MYH15: variants seen among roughly 807,000 people sequenced by gnomAD.
MYH15 encodes myosin-15.
Under a neutral mutation model 240.5 loss-of-function variants are expected in MYH15, and 227 were observed. The observed-to-expected ratio is 0.94, with a 90% confidence interval of 0.85 to 1.05. MYH15 has a LOEUF of 1.05. Ranked by LOEUF, MYH15 falls within the 50% of genes least tolerant of loss-of-function variation. MYH15 has a pLI of 0.00. For synonymous variants in MYH15, 785 were observed against 796.7 expected, an observed-to-expected ratio of 0.99 and a Z score of 0.25; for missense variants, 2,217 against 2,247.5, an observed-to-expected ratio of 0.99 and a Z score of 0.27.
upstream of MYH15, among the ~76,000 whole-genome samples, chr3:108,512,502 T>C (rs2603137): frequency 1 from 151,822 of 152,236 alleles, 75,704 homozygotes; most frequent in Middle Eastern, 1. Context: ...CAGTAGAGCT[T>C]GGGAAGTATA....
chr3:108,439,718 C>A lies in MYH15; in HGVS notation c.3075+19G>T, dbSNP rs756191419. 5.9e-6 allele frequency: 9 copies of A among 1,536,610 alleles called. No homozygotes were observed. Among genetic ancestry groups the A allele is most frequent in the Non-Finnish European group, 7.9e-6 (9 of 1,142,444 alleles). ...ATATGTAGACAGATAGATAACTAAC[C>A]AGATACACCGTTACTGACCTCATCA... On this transcript the variant is annotated intron_variant, in intron 24 of 40. Coordinates refer to ENST00000693548, the MANE Select transcript of MYH15 (RefSeq NM_014981.3).
chr3:108,464,459 C>T (rs1353987211), intron 15 of MYH15, among the ~76,000 whole-genome samples, 179 bp downstream of exon 15: 1 of 152,136 alleles, frequency 6.6e-6, no homozygotes, highest in Non-Finnish European at 1.5e-5. Context: ...ACATGGAATG[C>T]TATTGTTCAT....
At position 108,384,693 on chromosome 3, in the gene MYH15, C is replaced by T. The variant is rs760215034; in HGVS notation, c.5625G>A (p.Glu1875=). Residue 1875 remains glutamate, a synonymous_variant, in exon 39 of 41, where the codon GAG becomes GAA. Transcript: ENST00000693548. ...LKVQNYKQQV[E]VAETQANQYL... ...AACTTCCCCAGGCACTCACCGCCAC[C>T]TCGACTTGCTGCTTGTAATTTTGCA... is the stretch of plus-strand genomic sequence containing the variant. The T allele has an allele frequency of 6.2e-7, 1 of 1,613,446 alleles. No individual in the cohort carries two copies. The highest frequency in any genetic ancestry group is 8.5e-7 in the Non-Finnish European group (1 of 1,179,606).
intron 8 of MYH15, 35 bp downstream of exon 8, chr3:108,493,077 AAG>A (rs1321803709): frequency 6.4e-7 from 1 of 1,574,662 alleles, no homozygotes; most frequent in African/African-American, 1.4e-5. Flanking sequence ...AAGGGAAGAA[AAG>A]AAAAAAGTAA....
intron 11 of MYH15, among the ~76,000 whole-genome samples, chr3:108,483,069 GTAATCCC>G (rs2083278901): frequency 2.6e-5 from 4 of 151,910 alleles, no homozygotes; most frequent in Admixed American, 2.6e-4. Flanking sequence ...TGGTGCACCT[GTAATCCC>G]AGCTTCCCAG....
chr3:108,540,333 C>T, the MYH15 span, among the ~76,000 whole-genome samples: 1 of 152,162 alleles, frequency 6.6e-6, no homozygotes, highest in African/African-American at 2.4e-5. Context: ...CCTTTCTCTC[C>T]ACCACAGACA....
chr3:108,441,133 A>G lies in MYH15; in HGVS notation c.2783T>C (p.Leu928Pro). 4 of 1,614,176 alleles carry G rather than the reference A, an allele frequency of 2.5e-6. No homozygotes were observed. Among genetic ancestry groups the G allele is most frequent in the South Asian group, 1.1e-5 (1 of 91,092 alleles). The change falls in exon 23 of 41, where the codon CTG (leucine) becomes CCG (proline). Residue 928 changes from leucine to proline, a missense_variant. Physicochemically the swap from Leu to Pro is moderately conservative, Grantham distance 98. Coordinates refer to ENST00000693548, the MANE Select transcript of MYH15 (RefSeq NM_014981.3). ...VEEEEEINSE[L>P]TARGRKLEDE... ...TTCGAGTTTCCGCCCCCTGGCAGTC[A>G]GCTCAGAATTTATCTCCTCTTCTTC...
chr3:108,447,599 A>C (rs1576239501), intron 21 of MYH15, among the ~76,000 whole-genome samples: 1 of 152,052 alleles, frequency 6.6e-6, no homozygotes, highest in Admixed American at 6.5e-5. Context: ...AAAACTAAAA[A>C]CCACCAACCA....
the MYH15 span, chr3:108,550,019 T>C: frequency 6.6e-6 from 1 of 152,000 alleles, no homozygotes; most frequent in Non-Finnish European, 1.5e-5. Context: ...GCATAATATT[T>C]TTTAAAAAAT....
chr3:108,393,321 A>T (rs2082434224), intron 36 of MYH15, among the ~76,000 whole-genome samples: 1 of 152,138 alleles, frequency 6.6e-6, no homozygotes, highest in South Asian at 2.1e-4. Flanking sequence ...GGGACCTTCA[A>T]AGCTGAATCT....
chr3:108,430,478 G>A (rs1009050627), intron 26 of MYH15, among the ~76,000 whole-genome samples: 1 of 152,114 alleles, frequency 6.6e-6, no homozygotes, highest in African/African-American at 2.4e-5. Flanking sequence ...GCATACCATG[G>A]GTCAGGCACT....
upstream of MYH15, among the ~76,000 whole-genome samples, chr3:108,515,286 T>C (rs370595903): frequency 2.2e-4 from 34 of 152,286 alleles, no homozygotes; most frequent in Non-Finnish European, 4.0e-4. Flanking sequence ...AGGGTTGAGG[T>C]TGGCATTGTG....
intron 12 of MYH15, among the ~76,000 whole-genome samples, chr3:108,472,696 G>A (rs1230962801): frequency 6.6e-6 from 1 of 152,216 alleles, no homozygotes; most frequent in Admixed American, 6.5e-5. Context: ...TAGGTCAGGT[G>A]TGGCAAGTAG....
At chr3:108,505,497 T>C (rs1261809346) in intron 2 of MYH15, among the ~76,000 whole-genome samples, 1 of 152,120 alleles carries the variant, frequency 6.6e-6, no homozygotes, top group Non-Finnish European at 1.5e-5. Context: ...CTCAAACTCC[T>C]GGGCTCAAGC....
chr3:108,530,211 T>A (rs997598435), upstream of MYH15, among the ~76,000 whole-genome samples: 3 of 152,190 alleles, frequency 2.0e-5, no homozygotes, highest in African/African-American at 4.8e-5. Flanking sequence ...ATGGAAAGAA[T>A]CAGTTTCTAA....
intron 37 of MYH15, 74 bp downstream of exon 37, chr3:108,391,686 C>T (rs2107535976): frequency 6.8e-7 from 1 of 1,466,300 alleles, no homozygotes; most frequent in East Asian, 2.3e-5. Context: ...GGGGGCAGAT[C>T]TAGTGTCACA....
intron 8 of MYH15, 80 bp downstream of exon 8, chr3:108,493,034 G>GAAGGAAGA: frequency 8.9e-7 from 1 of 1,118,070 alleles, no homozygotes; most frequent in Non-Finnish European, 1.3e-6. Context: ...AGGAAGGAAG[G>GAAGGAAGA]AAGGAAGGAA....
Position 108,493,730 on chromosome 3 carries a change from T to C in MYH15, c.712-553A>G, listed in dbSNP as rs751239552. Among the ~76,000 whole-genome samples the C allele has an allele frequency of 2.8e-4, 42 of 152,092 alleles. 1 individual carries two copies. Among genetic ancestry groups the C allele is most frequent in the Non-Finnish European group, 4.0e-4 (27 of 68,010 alleles). ...CAAGAAAAGCCAATATCTTAGAATT[T>C]AGAAAGTCAGAGAAAGGGGGGGCAT... On this transcript the variant is annotated intron_variant, in intron 7 of 40. Transcript: ENST00000693548.
intron 12 of MYH15, 85 bp from the exon 13 acceptor site, chr3:108,470,932 A>G: frequency 1.4e-6 from 2 of 1,385,482 alleles, no homozygotes; most frequent in Non-Finnish European, 2.0e-6. Flanking sequence ...ACTGCCTTCT[A>G]GTCAAATTAG....
Sources: gnomAD v4.1 joint callset for allele counts (sites outside exome capture counted in the v4.1 genomes callset) on GRCh38, gnomAD v4.1.1 for gene constraint, MANE v1.5 for transcripts, NCBI Gene and HGNC (gene_info 2026-07-23, HGNC 2026-07-21) for gene names.